Variants in KHDRBS3 observed in about 807,000 individuals in gnomAD.
The protein encoded by KHDRBS3 is KH domain-containing, RNA-binding, signal transduction-associated protein 3.
A neutral mutation model predicts 45.6 loss-of-function variants in KHDRBS3; 23 were observed. The ratio of observed to expected loss-of-function variants is 0.50; its 90% confidence interval spans 0.36 to 0.72. The LOEUF is 0.72. Among genes scored for constraint, KHDRBS3 ranks in the 30% least tolerant of loss-of-function variants. The pLI is 0.00. For missense variants in KHDRBS3, 352 were observed against 424.8 expected (o/e 0.83, Z 1.51); for synonymous variants, 162 against 156.5 (o/e 1.04, Z -0.26).
intron 7 of KHDRBS3, among the ~76,000 whole-genome samples, chr8:135,629,817 G>T (rs1188795209): frequency 1.3e-5 from 2 of 152,198 alleles, no homozygotes; most frequent in Non-Finnish European, 2.9e-5. Flanking sequence ...TGAATACTTC[G>T]CCTGATAGGA....
intron 4 of KHDRBS3, among the ~76,000 whole-genome samples, chr8:135,655,150 A>G (rs769162238): frequency 5.9e-5 from 9 of 152,258 alleles, no homozygotes; most frequent in Non-Finnish European, 8.8e-5. Context: ...GCCCTCATCA[A>G]TAGATTTACT....
chr8:135,548,702 A>C, intron 3 of KHDRBS3, 52 bp from the exon 4 acceptor site: 1 of 1,316,368 alleles, frequency 7.6e-7, no homozygotes, highest in African/African-American at 1.5e-5. Context: ...TTTATCTTTC[A>C]TTTCTTATAA....
At position 135,548,904 on chromosome 8, in the gene KHDRBS3, AG is replaced by A; in HGVS notation, c.471+5del. ...AATCAAAAAGTTCCTCATCCCTGTT[AG>A]TACCATTTTTCTTGATAGTTAACTT... On this transcript the variant is annotated splice_donor_5th_base_variant and intron_variant, in intron 4 of 8. Coordinates refer to ENST00000355849, the MANE Select transcript of KHDRBS3 (RefSeq NM_006558.3). 1 of 1,568,976 alleles carries A rather than the reference AG, an allele frequency of 6.4e-7. No homozygotes were observed. The highest frequency in any genetic ancestry group is 8.6e-7 in the Non-Finnish European group (1 of 1,161,640).
chr8:135,458,227 G>C (rs551972085), intron 1 of KHDRBS3: 293 of 1,220,022 alleles, frequency 2.4e-4, no homozygotes, highest in South Asian at 1.7e-3. Flanking sequence ...CACACCCAGG[G>C]GAAACTTCTG....
intron 2 of KHDRBS3, among the ~76,000 whole-genome samples, chr8:135,530,735 A>G (rs12550226): frequency 0.1 from 15,938 of 152,156 alleles, 931 homozygotes; most frequent in East Asian, 0.18. Context: ...GACAGACAAC[A>G]GTGTATTTGA....
At chr8:135,468,434 G>A (rs556296819) in intron 1 of KHDRBS3, among the ~76,000 whole-genome samples, 1 of 152,178 alleles carries the variant, frequency 6.6e-6, no homozygotes, top group Non-Finnish European at 1.5e-5. Flanking sequence ...CCTATCTGTA[G>A]CTGTACCTTC....
chr8:135,519,863 G>A (rs974625280), intron 1 of KHDRBS3, among the ~76,000 whole-genome samples: 2 of 152,298 alleles, frequency 1.3e-5, no homozygotes, highest in East Asian at 3.9e-4. Flanking sequence ...GTATTATGAA[G>A]CCCATTGGCT....
chr8:135,519,919 A>G (rs1232627917), intron 1 of KHDRBS3, among the ~76,000 whole-genome samples: 1 of 152,216 alleles, frequency 6.6e-6, no homozygotes, highest in Non-Finnish European at 1.5e-5. Context: ...TCTAGCTTAA[A>G]TAAATCTTTC....
intron 1 of KHDRBS3, among the ~76,000 whole-genome samples, chr8:135,487,746 AAG>A (rs1331684059): frequency 6.6e-6 from 1 of 152,176 alleles, no homozygotes; most frequent in Non-Finnish European, 1.5e-5. Flanking sequence ...CACAATGGTG[AAG>A]AGTTATGGGT....
At chr8:135,621,045 A>C (rs1223276993) in intron 7 of KHDRBS3, among the ~76,000 whole-genome samples, 2 of 151,856 alleles carry the variant, frequency 1.3e-5, no homozygotes, top group African/African-American at 2.4e-5. Context: ...CCCAGTAAGA[A>C]ATCTTGTACC....
intron 1 of KHDRBS3, among the ~76,000 whole-genome samples, chr8:135,514,497 A>G (rs1824465498): frequency 6.6e-6 from 1 of 152,214 alleles, no homozygotes; most frequent in African/African-American, 2.4e-5. Flanking sequence ...CTCTTATATG[A>G]CACAGCTAAG....
At chr8:135,484,862 C>T (rs1586588029) in intron 1 of KHDRBS3, among the ~76,000 whole-genome samples, 2 of 152,130 alleles carry the variant, frequency 1.3e-5, no homozygotes, top group Admixed American at 1.3e-4. Context: ...TTTAAGTTGA[C>T]AATATTTATT....
At chr8:135,496,200 T>C (rs2317271) in intron 1 of KHDRBS3, among the ~76,000 whole-genome samples, 27,262 of 146,376 alleles carry the variant, frequency 0.19, 2,699 homozygotes, top group East Asian at 0.41. Context: ...AAAAAAAAAA[T>C]AGCAAAAGAT....
intron 4 of KHDRBS3, among the ~76,000 whole-genome samples, chr8:135,551,553 A>G (rs1038058704): frequency 6.6e-6 from 1 of 152,164 alleles, no homozygotes; most frequent in African/African-American, 2.4e-5. Context: ...AGTGTATTAC[A>G]TTAGTTGATT....
intron 1 of KHDRBS3, among the ~76,000 whole-genome samples, chr8:135,496,004 T>C (rs1315200808): frequency 2.0e-5 from 3 of 151,702 alleles, no homozygotes; most frequent in Admixed American, 6.6e-5. Flanking sequence ...TACAGAGATA[T>C]GTATTCCCTT....
At chr8:135,607,624 A>G (rs1208840956) in intron 7 of KHDRBS3, among the ~76,000 whole-genome samples, 1 of 152,232 alleles carries the variant, frequency 6.6e-6, no homozygotes, top group Non-Finnish European at 1.5e-5. Flanking sequence ...TCATTGATAC[A>G]TGAACTTAGT....
At chr8:135,545,216 C>G (rs1014407653) in intron 3 of KHDRBS3, among the ~76,000 whole-genome samples, 3 of 152,024 alleles carry the variant, frequency 2.0e-5, no homozygotes, top group African/African-American at 7.2e-5. Flanking sequence ...ACATAGCTCT[C>G]TTATTCTCTG....
chr8:135,529,459 C>T (rs1825358791), intron 2 of KHDRBS3, among the ~76,000 whole-genome samples: 2 of 152,128 alleles, frequency 1.3e-5, no homozygotes, highest in African/African-American at 4.8e-5. Context: ...CAGAAAGCAA[C>T]ACTTGAACTT....
At chr8:135,585,094 T>C (rs969795031) in intron 6 of KHDRBS3, among the ~76,000 whole-genome samples, 4 of 150,840 alleles carry the variant, frequency 2.7e-5, no homozygotes, top group African/African-American at 9.7e-5. Flanking sequence ...CCGGGTGTAG[T>C]GGTGCGCACC....
Sources: gnomAD v4.1 joint callset for allele counts (sites outside exome capture counted in the v4.1 genomes callset) on GRCh38, gnomAD v4.1.1 for gene constraint, MANE v1.5 for transcripts, NCBI Gene and HGNC (gene_info 2026-07-23, HGNC 2026-07-21) for gene names.